Variants in DHRS7B observed in about 807,000 individuals in gnomAD.
DHRS7B encodes peroxisomal reductase activating PPAR-gamma.
A neutral mutation model predicts 26.4 loss-of-function variants in DHRS7B; 24 were observed. The ratio of observed to expected loss-of-function variants is 0.91; its 90% CI spans 0.66 to 1.28. The LOEUF is 1.28. DHRS7B is among the 50% of genes most tolerant of loss of function. The pLI is 0.00. For synonymous variants in DHRS7B, 142 were observed against 166.4 expected (o/e 0.85, Z 1.13); for missense variants, 368 against 419.4 (o/e 0.88, Z 1.07).
At chr17:21,132,479 T>G (rs1244455743) in intron 1 of DHRS7B, among the ~76,000 whole-genome samples, 1 of 138,790 alleles carries the variant, frequency 7.2e-6, no homozygotes, top group African/African-American at 2.7e-5. Context: ...TGCAGTGAGC[T>G]ATGATCACAC....
intron 5 of DHRS7B, among the ~76,000 whole-genome samples, chr17:21,185,066 T>C (rs1414279070): frequency 6.6e-6 from 1 of 152,152 alleles, no homozygotes; most frequent in Admixed American, 6.6e-5. Flanking sequence ...GGATTTTTTT[T>C]CCCCCTCAGT....
chr17:21,145,854 G>A (rs1444444702), intron 1 of DHRS7B, among the ~76,000 whole-genome samples: 1 of 152,182 alleles, frequency 6.6e-6, no homozygotes, highest in Non-Finnish European at 1.5e-5. Context: ...AGTAGGTTAG[G>A]TGTATTAAAT....
intron 1 of DHRS7B, among the ~76,000 whole-genome samples, chr17:21,130,293 G>C (rs1270311976): frequency 6.6e-6 from 1 of 152,160 alleles, no homozygotes; most frequent in Non-Finnish European, 1.5e-5. Flanking sequence ...AGGAGGCTGA[G>C]GCAGGAGAAT....
chr17:21,167,597 G>A (rs940166897), intron 1 of DHRS7B, among the ~76,000 whole-genome samples: 4 of 152,124 alleles, frequency 2.6e-5, no homozygotes, highest in Middle Eastern at 3.4e-3. Flanking sequence ...TATTTGAGGG[G>A]CTCTCACCTT....
At chr17:21,155,933 T>G (rs1355709137) in intron 1 of DHRS7B, among the ~76,000 whole-genome samples, 2 of 152,158 alleles carry the variant, frequency 1.3e-5, no homozygotes, top group African/African-American at 4.8e-5. Context: ...AATGAAAACC[T>G]TACCAAATTT....
intron 1 of DHRS7B, among the ~76,000 whole-genome samples, chr17:21,170,961 G>A (rs1010707041): frequency 2.6e-5 from 4 of 152,022 alleles, no homozygotes; most frequent in African/African-American, 9.7e-5. Context: ...CTACAGTCTG[G>A]TTTGCCAGAA....
In DHRS7B at chr17:21,190,992, G is replaced by A. The variant is rs927602133; in HGVS notation, c.817G>A (p.Ala273Thr). 3.1e-6 allele frequency: 5 copies of A among 1,614,240 alleles called. No individual in the cohort carries two copies. The highest frequency in any genetic ancestry group is 4.2e-6 in the Non-Finnish European group (5 of 1,180,052). ...TAQGRSPVEV[A>T]QDVLAAVGKK... ...CCAGGGCCGAAGCCCTGTGGAGGTGGCCCAGGATGTTCTTGCTGCTGTGGG... is the reference window on the plus strand; with the variant it reads ...CCAGGGCCGAAGCCCTGTGGAGGTGACCCAGGATGTTCTTGCTGCTGTGGG... Residue 273 changes from alanine (A) to threonine (T), a missense_variant, in exon 7 of 7, where the codon GCC becomes ACC. By Grantham distance (58) the Ala-to-Thr change is moderately conservative. Coordinates refer to ENST00000395511, the MANE Select transcript of DHRS7B (RefSeq NM_015510.5).
At position 21,172,194 on chromosome 17, in the gene DHRS7B, A is replaced by G; in HGVS notation, c.197A>G (p.Lys66Arg). 6.2e-7 allele frequency: 1 copy of G among 1,610,706 alleles called. No homozygotes were observed. Residue 66 changes from lysine to arginine, a missense_variant and splice_region_variant, in exon 2 of 7, where the codon AAA becomes AGA. Lys to Arg is a conservative substitution (Grantham distance 26, BLOSUM62 2). Transcript: ENST00000395511. ...ACAGGCGCCACCTCAGGGCTGGGCA[A>G]AGGTGGGTCCTGGAGGCAGTGCTGC... ...VITGATSGLG[K>R]ECAKVFYAAG...
chr17:21,133,820 C>G (rs1973288735), intron 1 of DHRS7B, among the ~76,000 whole-genome samples: 1 of 152,066 alleles, frequency 6.6e-6, no homozygotes, highest in African/African-American at 2.4e-5. Context: ...AGAAAAACAA[C>G]AACAAACAAA....
chr17:21,151,105 C>T (rs1222364952), intron 1 of DHRS7B, among the ~76,000 whole-genome samples: 1 of 152,168 alleles, frequency 6.6e-6, no homozygotes, highest in Admixed American at 6.5e-5. Flanking sequence ...AAAAATTACG[C>T]ATCAGATACA....
chr17:21,167,520 A>G (rs1453411903), intron 1 of DHRS7B, among the ~76,000 whole-genome samples: 1 of 152,142 alleles, frequency 6.6e-6, no homozygotes, highest in Non-Finnish European at 1.5e-5. Context: ...GAGTGTGACT[A>G]TGACTGCACA....
At chr17:21,174,030 G>A (rs920184891) in intron 2 of DHRS7B, among the ~76,000 whole-genome samples, 1 of 152,128 alleles carries the variant, frequency 6.6e-6, no homozygotes, top group Admixed American at 6.5e-5. Flanking sequence ...CTGGATTCCA[G>A]TCACTGCTTA....
At chr17:21,140,882 C>T (rs1973492048) in intron 1 of DHRS7B, among the ~76,000 whole-genome samples, 1 of 152,130 alleles carries the variant, frequency 6.6e-6, no homozygotes, top group Non-Finnish European at 1.5e-5. Context: ...CGATTATTTG[C>T]TTCCTGCCCT....
At chr17:21,139,359 T>C (rs559583592) in intron 1 of DHRS7B, among the ~76,000 whole-genome samples, 1 of 152,308 alleles carries the variant, frequency 6.6e-6, no homozygotes, top group East Asian at 1.9e-4. Context: ...GACACCTTAA[T>C]GTATCTGGCA....
chr17:21,136,655 G>A (rs1025138416), intron 1 of DHRS7B, among the ~76,000 whole-genome samples: 2 of 151,878 alleles, frequency 1.3e-5, no homozygotes, highest in South Asian at 2.1e-4. Flanking sequence ...AGGTTCAAGC[G>A]ATTCATTCTC....
intron 5 of DHRS7B, among the ~76,000 whole-genome samples, chr17:21,184,894 T>C (rs1408656626): frequency 6.6e-6 from 1 of 152,224 alleles, no homozygotes; most frequent in Non-Finnish European, 1.5e-5. Flanking sequence ...AATTCAAACA[T>C]GCAAAAATGG....
chr17:21,171,461 G>C lies in DHRS7B; in HGVS notation c.21-557G>C, dbSNP rs1974245395. On this transcript the variant is annotated intron_variant, in intron 1 of 6. Transcript: ENST00000395511. Reference sequence around the variant, plus strand: ...TGCACTGAATCCCCTTTGGGTGTCTGTGAGGCCTGTGGTCAGAAGTCCATC... The same window carrying C: ...TGCACTGAATCCCCTTTGGGTGTCTCTGAGGCCTGTGGTCAGAAGTCCATC... Among the ~76,000 whole-genome samples the C allele has an allele frequency of 2.0e-5, 3 of 152,228 alleles. No individual in the cohort carries two copies. In the South Asian group the frequency reaches 6.2e-4, roughly 31 times the overall value.
intron 1 of DHRS7B, among the ~76,000 whole-genome samples, chr17:21,140,538 A>ACACACACACACCC (rs972677956): frequency 1.5e-5 from 2 of 134,754 alleles, no homozygotes; most frequent in Non-Finnish European, 1.6e-5. Flanking sequence ...ACACACACAC[A>ACACACACACACCC]CCCTGACACC....
intron 1 of DHRS7B, among the ~76,000 whole-genome samples, chr17:21,165,693 A>G (rs1456743866): frequency 6.6e-6 from 1 of 152,086 alleles, no homozygotes; most frequent in Non-Finnish European, 1.5e-5. Flanking sequence ...TGAGGTGGGC[A>G]GATCACAAGG....
Sources: gnomAD v4.1 joint callset for allele counts (sites outside exome capture counted in the v4.1 genomes callset) on GRCh38, gnomAD v4.1.1 for gene constraint, MANE v1.5 for transcripts, NCBI Gene and HGNC (gene_info 2026-07-23, HGNC 2026-07-21) for gene names.